The following ARSG variants were observed in gnomAD, a reference collection of about 807,000 sequenced individuals.
The protein encoded by ARSG is arylsulfatase G.
Under a neutral mutation model 50.5 loss-of-function variants are expected in ARSG, and 37 were observed. That is an observed-to-expected ratio of 0.73 (90% confidence interval 0.56 to 0.96). ARSG has a LOEUF of 0.96. ARSG is among the 50% of genes least tolerant of loss of function. The probability of loss-of-function intolerance (pLI) is 0.00; values close to 1 mark genes in which losing one functional copy is unlikely to be tolerated. For synonymous variants in ARSG, 225 were observed against 254.6 expected, an observed-to-expected ratio of 0.88 and a Z score of 1.11; for missense variants, 629 against 675.3, an observed-to-expected ratio of 0.93 and a Z score of 0.76.
chr17:68,349,058 T>G (rs2078637438), intron 4 of ARSG, among the ~76,000 whole-genome samples: 1 of 152,038 alleles, frequency 6.6e-6, no homozygotes, highest in Non-Finnish European at 1.5e-5. Context: ...TCCCAGCACT[T>G]TGGGAGGCTG....
intron 11 of ARSG, 41 bp from the exon 12 acceptor site, chr17:68,420,148 T>C (rs2082677228): frequency 3.1e-6 from 5 of 1,605,602 alleles, no homozygotes; most frequent in Non-Finnish European, 2.6e-6. Flanking sequence ...ACAGGGCAAC[T>C]GTCAGGGTTA....
chr17:68,332,969 G>A (rs2077843036), intron 2 of ARSG, among the ~76,000 whole-genome samples: 1 of 152,172 alleles, frequency 6.6e-6, no homozygotes. Flanking sequence ...TGAAGTGCTT[G>A]GAAAAGTGCC....
chr17:68,449,964 T>C, the ARSG span, among the ~76,000 whole-genome samples: 1 of 152,292 alleles, frequency 6.6e-6, no homozygotes, highest in Non-Finnish European at 1.5e-5. Flanking sequence ...TGAGCCAAGA[T>C]TGTGCCACTG....
rs75888727 is a variant in ARSG at position 68,398,111 on chromosome 17, A to G, written c.1212+2918A>G. On this transcript the variant is annotated intron_variant, in intron 10 of 11. Transcript: ENST00000621439. ...ACCATGTATGTATATTCATGTATGC[A>G]TATCCACATCTGTATACATACATGC... Among the ~76,000 whole-genome samples the G allele has an allele frequency of 7.5e-3, 1,139 of 152,360 alleles. 6 individuals are homozygous for G. Among genetic ancestry groups the G allele is most frequent in the South Asian group, 0.023 (111 of 4,834 alleles).
At chr17:68,332,524 A>G (rs1478523477) in intron 2 of ARSG, among the ~76,000 whole-genome samples, 2 of 152,192 alleles carry the variant, frequency 1.3e-5, no homozygotes, top group African/African-American at 4.8e-5. Context: ...GGAAGTGATA[A>G]GTGTCCATGA....
intron 9 of ARSG, among the ~76,000 whole-genome samples, chr17:68,390,764 C>T (rs1337886696): frequency 6.6e-6 from 1 of 152,094 alleles, no homozygotes; most frequent in Non-Finnish European, 1.5e-5. Context: ...GCTGGGATTA[C>T]AGGTGCCTGC....
rs372830302 is a variant in ARSG, at chr17:68,323,406, TATTAATTAATTA to T, written c.218+15698_218+15709del. ...ATGAGAGAGAGAGAAAGAACCCTCT[TATTAATTAATTA>T]ATCATTATTATTGTAAAGATGGGCT... On this transcript the variant is annotated intron_variant, in intron 2 of 11. Transcript: ENST00000621439. Among the ~76,000 whole-genome samples, 544 of 152,254 alleles carry T rather than the reference TATTAATTAATTA, an allele frequency of 3.6e-3. 5 individuals are homozygous for T. The highest frequency in any genetic ancestry group is 0.012 in the African/African-American group (517 of 41,542).
intron 11 of ARSG, among the ~76,000 whole-genome samples, chr17:68,406,683 G>A (rs963653460): frequency 1.3e-5 from 2 of 151,982 alleles, no homozygotes; most frequent in Admixed American, 1.3e-4. Flanking sequence ...TACTTTTGAG[G>A]CTTGTCTATT....
chr17:68,391,511 G>T (rs1478438444), intron 9 of ARSG, among the ~76,000 whole-genome samples: 1 of 152,166 alleles, frequency 6.6e-6, no homozygotes, highest in East Asian at 1.9e-4. Context: ...TAAACCTCAG[G>T]AGAGAGTAGT....
chr17:68,447,443 G>A, the ARSG span, among the ~76,000 whole-genome samples: 7 of 152,082 alleles, frequency 4.6e-5, no homozygotes, highest in Admixed American at 1.3e-4. Flanking sequence ...ATGCAGCAGC[G>A]TGATCATAGC....
chr17:68,290,178 C>G (rs192965761), upstream of ARSG, among the ~76,000 whole-genome samples: 12 of 152,318 alleles, frequency 7.9e-5, no homozygotes, highest in East Asian at 2.1e-3. Flanking sequence ...ACCGTGCAAA[C>G]AAAACCGGCT....
In ARSG at chr17:68,356,655, G is replaced by T. The variant is rs1285382609; in HGVS notation, c.567-12G>T. The T allele has an allele frequency of 6.2e-7, 1 of 1,614,070 alleles. No homozygotes were observed. Among genetic ancestry groups the T allele is most frequent in the East Asian group, 2.2e-5 (1 of 44,896 alleles). On this transcript the variant is annotated splice_polypyrimidine_tract_variant and intron_variant, in intron 5 of 11. Coordinates refer to ENST00000621439, the MANE Select transcript of ARSG (RefSeq NM_001267727.2). ...GGAAATGAATACTCTATGGTCTGTGGTTTCCACACAGGAACCTTCAAAGAG... is the reference window on the plus strand; with the variant it reads ...GGAAATGAATACTCTATGGTCTGTGTTTTCCACACAGGAACCTTCAAAGAG...
intron 1 of ARSG, among the ~76,000 whole-genome samples, chr17:68,264,214 C>A (rs1192306350): frequency 6.6e-6 from 1 of 152,110 alleles, no homozygotes; most frequent in Non-Finnish European, 1.5e-5. Flanking sequence ...GTATGGAAAT[C>A]TAAATGTAAT....
At chr17:68,302,385 G>A (rs1198535804) in intron 1 of ARSG, among the ~76,000 whole-genome samples, 1 of 152,072 alleles carries the variant, frequency 6.6e-6, no homozygotes, top group Non-Finnish European at 1.5e-5. Context: ...AGGTCTGCCC[G>A]ACCTTCTTGT....
intron 11 of ARSG, among the ~76,000 whole-genome samples, chr17:68,419,537 A>G (rs2082619765): frequency 6.6e-6 from 1 of 152,200 alleles, no homozygotes; most frequent in Non-Finnish European, 1.5e-5. Flanking sequence ...AGATTGTGCC[A>G]TTGCACTCCA....
chr17:68,423,023 T>C (rs2082910122), downstream of ARSG, among the ~76,000 whole-genome samples: 1 of 152,178 alleles, frequency 6.6e-6, no homozygotes, highest in African/African-American at 2.4e-5. This position sits in a 1 kb window ranked among gnomAD's most constrained non-coding sequence, Gnocchi z 4.4. Context: ...AGATCACTAG[T>C]GATGACCCGC....
chr17:68,295,044 T>G (rs1218104726), intron 1 of ARSG, among the ~76,000 whole-genome samples: 1 of 152,198 alleles, frequency 6.6e-6, no homozygotes, highest in Non-Finnish European at 1.5e-5. Flanking sequence ...TGCAAGGGGC[T>G]TAGCACTGGG....
chr17:68,286,689 G>A (rs1190216416), upstream of ARSG, among the ~76,000 whole-genome samples: 3 of 152,048 alleles, frequency 2.0e-5, no homozygotes, highest in Non-Finnish European at 4.4e-5. Flanking sequence ...ATTTTTAGTA[G>A]AGATGAGGTT....
chr17:68,398,664 C>G (rs893359470), intron 10 of ARSG, among the ~76,000 whole-genome samples: 6 of 152,170 alleles, frequency 3.9e-5, no homozygotes, highest in African/African-American at 1.4e-4. Flanking sequence ...TATTGCAAAC[C>G]AAGTAACCAA....
Sources: gnomAD v4.1 joint callset for allele counts (sites outside exome capture counted in the v4.1 genomes callset) on GRCh38, gnomAD v4.1.1 for gene constraint, Gnocchi (gnomAD v3.1) non-coding constraint, MANE v1.5 for transcripts, NCBI Gene and HGNC (gene_info 2026-07-23, HGNC 2026-07-21) for gene names.